Variants in WDR17 observed in about 807,000 individuals in gnomAD.
WDR17 encodes WD repeat-containing protein 17.
Under a neutral mutation model 161.7 loss-of-function variants are expected in WDR17, and 143 were observed. That is an observed-to-expected ratio of 0.88 (90% confidence interval 0.77 to 1.02). The LOEUF is 1.02. WDR17 is among the 50% of genes least tolerant of loss of function. The pLI is 0.00. For synonymous variants in WDR17, 517 were observed against 515.6 expected (o/e 1.00, Z -0.04); for missense variants, 1,469 against 1,520.9 (o/e 0.97, Z 0.57).
chr4:176,176,680 G>T (rs780304256), intron 26 of WDR17, among the ~76,000 whole-genome samples: 8 of 152,204 alleles, frequency 5.3e-5, no homozygotes, highest in African/African-American at 9.6e-5. Context: ...TCCTTCTCCC[G>T]TGTTCTCTTT....
intron 5 of WDR17, 51 bp downstream of exon 5, chr4:176,125,406 C>T (rs752869272): frequency 1.0e-5 from 16 of 1,558,752 alleles, no homozygotes; most frequent in Middle Eastern, 1.7e-4. Context: ...TATATTCTTT[C>T]GTTGAATTTA....
Position 176,065,970 on chromosome 4 carries a change from A to T in WDR17, c.-116A>T, listed in dbSNP as rs2333401. 29,750 of 151,986 alleles carry T rather than the reference A, an allele frequency of 0.2. 3,058 individuals carry two copies. The highest frequency in any genetic ancestry group is 0.31 in the East Asian group (1,591 of 5,142). 9.4% of individuals were successfully genotyped at this position (151,986 alleles called of 1,614,324 possible). ...CCGCCCCCGGGCGCCCTGAGCGAGC[A>T]GGCGGGGAGGGCGGGGAGGGTCCGC... On this transcript the variant is annotated 5_prime_UTR_variant, in exon 1 of 29. Transcript: ENST00000508596.
At chr4:176,163,094 G>A (rs1290410314) in intron 21 of WDR17, 60 bp from the exon 22 acceptor site, 20 of 1,600,678 alleles carry the variant, frequency 1.2e-5, no homozygotes, top group Admixed American at 1.7e-5. Context: ...AGCTTGGAGG[G>A]GAATGATGAT....
rs1751932962 is a variant in WDR17 at position 176,179,525 on chromosome 4, A to C, written c.3798A>C (p.Ala1266=). 1 of 1,607,110 alleles carries C rather than the reference A, an allele frequency of 6.2e-7. No homozygotes were observed. The highest frequency in any genetic ancestry group is 1.7e-5 in the Admixed American group (1 of 59,432). ...AISLNDALMW[A]KVNPFSPLGT... ...CCTTGAATGATGCTTTGATGTGGGCAAAGGTGAATCCATTCTCACCTTTAG... is the reference window on the plus strand; with the variant it reads ...CCTTGAATGATGCTTTGATGTGGGCCAAGGTGAATCCATTCTCACCTTTAG... Residue 1266 remains alanine (A), a synonymous_variant, in exon 29 of 29, where the codon GCA becomes GCC. Transcript: ENST00000508596.
Position 176,156,140 on chromosome 4 carries a change from A to G in WDR17, c.2522A>G (p.Gln841Arg), listed in dbSNP as rs775996370. ...GTGAAATACTGGAAGAAGTTAATGC[A>G]GAGGTAAGGCAGAGAGAGTCCGTGT... ...VSVKYWKKLMQRRADQLIQED... is the reference protein window; with the variant it reads ...VSVKYWKKLMRRRADQLIQED... Residue 841 changes from glutamine to arginine, a missense_variant, in exon 18 of 29, where the codon CAG becomes CGG. By Grantham distance (43) the Gln-to-Arg change is conservative. Coordinates refer to ENST00000508596, the MANE Select transcript of WDR17 (RefSeq NM_181265.4). 5.0e-6 allele frequency: 8 copies of G among 1,613,418 alleles called. No individual in the cohort carries two copies. In the South Asian group the frequency reaches 8.8e-5, roughly 18 times the overall value.
chr4:176,094,140 T>C (rs991229361), intron 1 of WDR17, among the ~76,000 whole-genome samples: 1 of 152,222 alleles, frequency 6.6e-6, no homozygotes, highest in East Asian at 1.9e-4. Flanking sequence ...GTGATTTTGT[T>C]TAGCTGCTTC....
At chr4:176,159,448 C>T (rs1032184874) in intron 18 of WDR17, among the ~76,000 whole-genome samples, 1 of 152,160 alleles carries the variant, frequency 6.6e-6, no homozygotes, top group Non-Finnish European at 1.5e-5. Context: ...CTTCACATGT[C>T]TGGAACATTA....
rs386357678 is a variant in WDR17, at chr4:176,074,810, C to CTTTTTTTTTTTTTTTTT, written c.-7+8737_-7+8753dup. Among the ~76,000 whole-genome samples, 40 of 79,174 alleles carry CTTTTTTTTTTTTTTTTT rather than the reference C, an allele frequency of 5.1e-4. 1 individual carries two copies. Among genetic ancestry groups the CTTTTTTTTTTTTTTTTT allele is most frequent in the Non-Finnish European group, 7.3e-4 (32 of 43,884 alleles). The allele number at this position is 79,174 out of a possible 152,430, so 51.9% of individuals were successfully genotyped here. On this transcript the variant is annotated intron_variant, in intron 1 of 28. Transcript: ENST00000508596. Reference sequence around the variant, plus strand: ...TGGGCATGCGGGATTTTTTTTAATGCTTTTTTTTTTTTTTTTTTTTTTGCT... The same window carrying CTTTTTTTTTTTTTTTTT: ...TGGGCATGCGGGATTTTTTTTAATGCTTTTTTTTTTTTTTTTTTTTTTTTTTTTTTTTTTTTTTTGCT...
At position 176,092,456 on chromosome 4, in the gene WDR17, G is replaced by A. The variant is rs137874772; in HGVS notation, c.-6-19119G>A. 2.3e-3 allele frequency among the ~76,000 whole-genome samples: 345 copies of A among 152,166 alleles called. 1 individual carries two copies. Among genetic ancestry groups the A allele is most frequent in the African/African-American group, 7.2e-3 (301 of 41,534 alleles). On this transcript the variant is annotated intron_variant, in intron 1 of 28. Transcript: ENST00000508596. ...AGGAACATAACACGACACAATAAAA[G>A]CTATATACATACTGAATGGGAAAAA...
At chr4:176,154,203 G>A (rs908172374) in intron 17 of WDR17, among the ~76,000 whole-genome samples, 6 of 151,976 alleles carry the variant, frequency 3.9e-5, no homozygotes, top group South Asian at 2.1e-4. Context: ...GTCCTAAGGC[G>A]GGCACGGTGG....
chr4:176,133,120 A>T (rs1323257235), intron 7 of WDR17, among the ~76,000 whole-genome samples: 1 of 151,182 alleles, frequency 6.6e-6, no homozygotes, highest in Non-Finnish European at 1.5e-5. Flanking sequence ...TACTAACATG[A>T]ATCACACATG....
chr4:176,157,588 CAA>C (rs1473991449), intron 18 of WDR17, among the ~76,000 whole-genome samples: 1 of 151,736 alleles, frequency 6.6e-6, no homozygotes, highest in Non-Finnish European at 1.5e-5. Context: ...TTAAGAAAGT[CAA>C]GTTAGCAGAG....
chr4:176,133,179 TTTTTA>T (rs771718838), intron 7 of WDR17, among the ~76,000 whole-genome samples: 25,888 of 127,132 alleles, frequency 0.2, 2,828 homozygotes, highest in South Asian at 0.24. Context: ...CAATTTTTTA[TTTTTA>T]TTTTTTTTTT....
Position 176,124,152 on chromosome 4 carries a change from G to C in WDR17, c.539-952G>C, listed in dbSNP as rs567723707. Among the ~76,000 whole-genome samples the C allele has an allele frequency of 2.1e-4, 32 of 152,294 alleles. No individual in the cohort carries two copies. The South Asian group carries it at 6.6e-3, about 32-fold the overall frequency. On this transcript the variant is annotated intron_variant, in intron 4 of 28. Transcript: ENST00000508596. ...TCTTTCAATTGTGCTTTTTAAAGAA[G>C]AAACACACTTCCTTTACGATACTTA...
chr4:176,094,091 T>C (rs1736483468), intron 1 of WDR17, among the ~76,000 whole-genome samples: 1 of 152,184 alleles, frequency 6.6e-6, no homozygotes, highest in South Asian at 2.1e-4. Context: ...ATTCAAGTTT[T>C]ATTTTACTCT....
intron 21 of WDR17, among the ~76,000 whole-genome samples, chr4:176,162,452 G>A (rs1406458917): frequency 2.0e-5 from 3 of 152,104 alleles, no homozygotes; most frequent in South Asian, 2.1e-4. Flanking sequence ...GATGAGAAGC[G>A]CCAGTGTAGT....
intron 1 of WDR17, among the ~76,000 whole-genome samples, chr4:176,080,535 G>A (rs1042911191): frequency 6.6e-6 from 1 of 152,104 alleles, no homozygotes; most frequent in Admixed American, 6.6e-5. Context: ...AGATGTTTCA[G>A]GAGGGTGGAT....
In WDR17 at chr4:176,135,145, C is replaced by T. The variant is rs1744197562; in HGVS notation, c.1136C>T (p.Pro379Leu). 1.2e-6 allele frequency: 2 copies of T among 1,612,072 alleles called. No homozygotes were observed. Among genetic ancestry groups the T allele is most frequent in the African/African-American group, 2.7e-5 (2 of 74,806 alleles). Residue 379 changes from proline (P) to leucine (L), a missense_variant, in exon 8 of 29, where the codon CCT (proline) becomes CTT (leucine). Pro to Leu is a moderately conservative substitution (Grantham distance 98). Transcript: ENST00000508596. ...ACTATCTTTGACTGCAAATTCAAAC[C>T]TGACGATCCTAATCTTTTAGCAACA... ...VETIFDCKFK[P>L]DDPNLLATAS...
At chr4:176,071,750 G>T (rs1215811380) in intron 1 of WDR17, among the ~76,000 whole-genome samples, 1 of 152,174 alleles carries the variant, frequency 6.6e-6, no homozygotes, top group Non-Finnish European at 1.5e-5. Flanking sequence ...AGCACAAAAC[G>T]TTCTGTAATC....
Sources: allele counts gnomAD v4.1 joint callset (sites outside exome capture counted in the v4.1 genomes callset), GRCh38; gene constraint gnomAD v4.1.1; transcripts MANE v1.5; gene names NCBI Gene and HGNC (gene_info 2026-07-23, HGNC 2026-07-21).